Variants in PDZRN4 observed in about 807,000 individuals in gnomAD.
PDZRN4 encodes PDZ domain containing ring finger 4.
PDZRN4 carries 70 observed loss-of-function variants against 99.0 expected under a neutral mutation model. The ratio of observed to expected loss-of-function variants is 0.71; its 90% CI spans 0.58 to 0.86. PDZRN4 has a LOEUF of 0.86. PDZRN4 is among the 40% of genes least tolerant of loss of function. The pLI is 0.00. For missense variants in PDZRN4, 1,474 were observed against 1,331.2 expected (o/e 1.11, Z -1.67); for synonymous variants, 551 against 501.6 (o/e 1.10, Z -1.32).
intron 5 of PDZRN4, among the ~76,000 whole-genome samples, chr12:41,529,947 G>A (rs533978408): frequency 1.3e-5 from 2 of 152,268 alleles, no homozygotes; most frequent in South Asian, 4.1e-4. Flanking sequence ...CCAGATCACG[G>A]TGTAATGCCA....
chr12:41,292,741 A>G (rs555654526), intron 3 of PDZRN4, among the ~76,000 whole-genome samples: 81 of 152,074 alleles, frequency 5.3e-4, no homozygotes, highest in Non-Finnish European at 1.0e-3. Context: ...TTCTCTAAGG[A>G]ATTTGGAGAA....
At chr12:41,541,991 A>C (rs779918642) in intron 5 of PDZRN4, among the ~76,000 whole-genome samples, 1 of 152,222 alleles carries the variant, frequency 6.6e-6, no homozygotes, top group Non-Finnish European at 1.5e-5. Context: ...GTATCTCTTT[A>C]GCTGACTTCC....
chr12:41,213,332 G>T (rs1320141984), intron 3 of PDZRN4, among the ~76,000 whole-genome samples: 1 of 152,022 alleles, frequency 6.6e-6, no homozygotes, highest in African/African-American at 2.4e-5. Flanking sequence ...TCGATGAGGG[G>T]TTTGGCAGTA....
At chr12:41,272,498 C>A (rs1054351628) in intron 3 of PDZRN4, among the ~76,000 whole-genome samples, 1 of 151,968 alleles carries the variant, frequency 6.6e-6, no homozygotes, top group Non-Finnish European at 1.5e-5. Flanking sequence ...AGTATTAAAT[C>A]TTTGCAGCTA....
chr12:41,454,204 C>T (rs140809122), intron 3 of PDZRN4, among the ~76,000 whole-genome samples: 30 of 152,116 alleles, frequency 2.0e-4, no homozygotes, highest in African/African-American at 7.2e-4. Flanking sequence ...TCTTTGTGTT[C>T]AACAAATTGC....
intron 3 of PDZRN4, among the ~76,000 whole-genome samples, chr12:41,205,423 G>T (rs971835890): frequency 6.6e-5 from 10 of 151,890 alleles, no homozygotes; most frequent in Non-Finnish European, 1.5e-4. Flanking sequence ...ATGAGGTCCT[G>T]CCTCCTCTGG....
In PDZRN4 at chr12:41,298,277, G is replaced by C. The variant is rs568913287; in HGVS notation, c.843+104089G>C. Reference sequence around the variant, plus strand: ...AAATTACTCCCAGTGATAATTTGTAGTGCTTGAAGATTATTTTTGCATATT... The same window carrying C: ...AAATTACTCCCAGTGATAATTTGTACTGCTTGAAGATTATTTTTGCATATT... On this transcript the variant is annotated intron_variant, in intron 3 of 9. Transcript: ENST00000402685. Among the ~76,000 whole-genome samples, 4 of 152,154 alleles carry C rather than the reference G, an allele frequency of 2.6e-5. No homozygotes were observed. The East Asian group carries it at 7.7e-4, about 29-fold the overall frequency.
chr12:41,202,852 A>G lies in PDZRN4; in HGVS notation c.843+8664A>G, dbSNP rs187771237. ...AATATTTTTCATAATTTAGAGTATGATGCAATTTAGTATAGAATACCTGAC... is the reference window on the plus strand; with the variant it reads ...AATATTTTTCATAATTTAGAGTATGGTGCAATTTAGTATAGAATACCTGAC... On this transcript the variant is annotated intron_variant, in intron 3 of 9. Coordinates refer to ENST00000402685, the MANE Select transcript of PDZRN4 (RefSeq NM_001164595.2). 5.3e-3 allele frequency among the ~76,000 whole-genome samples: 809 copies of G among 152,202 alleles called. 1 individual carries two copies. Among genetic ancestry groups the G allele is most frequent in the Non-Finnish European group, 8.7e-3 (594 of 67,974 alleles).
intron 7 of PDZRN4, 35 bp from the exon 8 acceptor site, chr12:41,563,513 T>C (rs1592114472): frequency 1.4e-6 from 2 of 1,426,792 alleles, no homozygotes; most frequent in Middle Eastern, 1.8e-4. Context: ...ATTGTGGAAA[T>C]GGAAACTAAT....
At chr12:41,295,111 C>A (rs764799503) in intron 3 of PDZRN4, among the ~76,000 whole-genome samples, 49 of 151,998 alleles carry the variant, frequency 3.2e-4, no homozygotes, top group Non-Finnish European at 5.7e-4. Context: ...AATTCCATAC[C>A]CAGTCAAGAT....
intron 5 of PDZRN4, among the ~76,000 whole-genome samples, chr12:41,545,940 A>T (rs1477002970): frequency 1.3e-5 from 2 of 152,088 alleles, no homozygotes; most frequent in African/African-American, 4.8e-5. Flanking sequence ...ATAATAATCC[A>T]CTAGGATCCA....
chr12:41,399,082 C>CTT (rs1203693807), intron 3 of PDZRN4, among the ~76,000 whole-genome samples: 1 of 151,858 alleles, frequency 6.6e-6, no homozygotes. Flanking sequence ...AAACAGAAAA[C>CTT]TAGAAAGGTC....
chr12:41,534,661 TTTTG>T (rs1290224901), intron 5 of PDZRN4, among the ~76,000 whole-genome samples: 2 of 152,190 alleles, frequency 1.3e-5, no homozygotes, highest in Admixed American at 1.3e-4. Context: ...TACTTAGGTT[TTTTG>T]TTTGTCTGAA....
At chr12:41,285,553 C>A (rs918808854) in intron 3 of PDZRN4, among the ~76,000 whole-genome samples, 1 of 152,174 alleles carries the variant, frequency 6.6e-6, no homozygotes, top group African/African-American at 2.4e-5. Flanking sequence ...GATACATGCA[C>A]ATGTATGTTT....
chr12:41,471,926 G>A (rs1388549053), intron 3 of PDZRN4, among the ~76,000 whole-genome samples: 1 of 149,734 alleles, frequency 6.7e-6, no homozygotes, highest in Non-Finnish European at 1.5e-5. Context: ...AAAGTTGATA[G>A]GTGGCAAATG....
intron 3 of PDZRN4, among the ~76,000 whole-genome samples, chr12:41,494,556 C>T (rs1191271337): frequency 6.6e-6 from 1 of 151,922 alleles, no homozygotes; most frequent in Non-Finnish European, 1.5e-5. Context: ...TAGAAAATAG[C>T]ATCAGTTGCT....
At chr12:41,401,411 T>G (rs1726279429) in intron 3 of PDZRN4, among the ~76,000 whole-genome samples, 1 of 152,158 alleles carries the variant, frequency 6.6e-6, no homozygotes, top group Non-Finnish European at 1.5e-5. Flanking sequence ...GCACTTACAT[T>G]GTGCTGTATA....
intron 3 of PDZRN4, among the ~76,000 whole-genome samples, chr12:41,425,586 C>A (rs556664323): frequency 1.3e-5 from 2 of 151,884 alleles, no homozygotes; most frequent in African/African-American, 2.4e-5. Context: ...GAATAAGACA[C>A]CAAATATAAG....
chr12:41,540,318 T>C (rs1938825935), intron 5 of PDZRN4, among the ~76,000 whole-genome samples: 1 of 152,108 alleles, frequency 6.6e-6, no homozygotes, highest in East Asian at 1.9e-4. Context: ...TAGAAGAAAA[T>C]ACTGTATTTT....
Sources: allele counts gnomAD v4.1 joint callset (sites outside exome capture counted in the v4.1 genomes callset), GRCh38; gene constraint gnomAD v4.1.1; transcripts MANE v1.5; gene names NCBI Gene and HGNC (gene_info 2026-07-23, HGNC 2026-07-21).